CSNK1G1: variants seen among roughly 807,000 people sequenced by gnomAD.
CSNK1G1 encodes the protein casein kinase I isoform gamma-1.
In CSNK1G1, 22 loss-of-function variants were observed where a neutral mutation model predicts 59.6. That is an observed-to-expected ratio of 0.37 (90% CI 0.26 to 0.53). The LOEUF is 0.53. Among genes scored for constraint, CSNK1G1 ranks in the 20% least tolerant of loss-of-function variants. CSNK1G1 has a pLI of 0.89. For synonymous variants in CSNK1G1, 179 were observed against 177.1 expected (o/e 1.01, Z -0.08); for missense variants, 384 against 519.5 (o/e 0.74, Z 2.54).
chr15:64,351,997 T>TA (rs1043182785), intron 1 of CSNK1G1, among the ~76,000 whole-genome samples: 16 of 152,038 alleles, frequency 1.1e-4, no homozygotes, highest in East Asian at 1.9e-4. Flanking sequence ...TAAAGGATGA[T>TA]AAAAAAATGA....
chr15:64,166,550 GCA>G lies in CSNK1G1; in HGVS notation c.*5379_*5380del, dbSNP rs1391571368. 2.6e-5 allele frequency: 4 copies of G among 152,640 alleles called. No individual in the cohort carries two copies. The highest frequency in any genetic ancestry group is 5.9e-5 in the Non-Finnish European group (4 of 68,176). 9.5% of individuals were successfully genotyped at this position (152,640 alleles called of 1,614,324 possible). ...TAGATGAACACACGCACTCACGTGCGCACACACACCACACACACACACAGACA... is the reference window on the plus strand; with the variant it reads ...TAGATGAACACACGCACTCACGTGCGCACACACCACACACACACACAGACA... On this transcript the variant is annotated 3_prime_UTR_variant, in exon 12 of 12. Coordinates refer to ENST00000303052, the MANE Select transcript of CSNK1G1 (RefSeq NM_022048.5). This position sits in a 1 kb window ranked among gnomAD's most constrained non-coding sequence, Gnocchi z 4.5.
At chr15:64,238,777 C>G (rs570969517) in intron 4 of CSNK1G1, among the ~76,000 whole-genome samples, 8 of 151,822 alleles carry the variant, frequency 5.3e-5, no homozygotes, top group African/African-American at 1.5e-4. Context: ...GCCATGCCCC[C>G]CCAGGGATAG....
rs562022082 is a variant in CSNK1G1, at chr15:64,187,642, A to G, written c.1108-7188T>C. Reference sequence around the variant, plus strand: ...CAAGGCTACCAAGATGCATTTCTACATGTACAAACCTGTCTGCACCTTTAT... The same window carrying G: ...CAAGGCTACCAAGATGCATTTCTACGTGTACAAACCTGTCTGCACCTTTAT... On this transcript the variant is annotated intron_variant, in intron 10 of 11. Transcript: ENST00000303052. 2.0e-5 allele frequency among the ~76,000 whole-genome samples: 3 copies of G among 152,292 alleles called. No homozygotes were observed. In the South Asian group the frequency reaches 6.2e-4, roughly 32 times the overall value.
chr15:64,335,251 C>A (rs1423844492), intron 1 of CSNK1G1, among the ~76,000 whole-genome samples: 1 of 152,054 alleles, frequency 6.6e-6, no homozygotes, highest in Non-Finnish European at 1.5e-5. Context: ...AAAAACATAA[C>A]CTTATCTGAG....
chr15:64,175,789 T>G (rs960422525), intron 11 of CSNK1G1, among the ~76,000 whole-genome samples: 1 of 152,188 alleles, frequency 6.6e-6, no homozygotes, highest in African/African-American at 2.4e-5. Context: ...GCCAGCTGAA[T>G]CAAAAAGTCA....
intron 2 of CSNK1G1, among the ~76,000 whole-genome samples, chr15:64,292,098 T>G (rs1056665729): frequency 6.6e-6 from 1 of 151,190 alleles, no homozygotes; most frequent in Admixed American, 6.6e-5. Context: ...TAGTCCCAGC[T>G]AGTCGGGAGG....
intron 6 of CSNK1G1, among the ~76,000 whole-genome samples, chr15:64,208,896 T>C (rs943041196): frequency 1.3e-4 from 20 of 151,514 alleles, no homozygotes; most frequent in African/African-American, 3.6e-4. Context: ...TTTCTTTTTT[T>C]TTTTTTTTTG....
intron 1 of CSNK1G1, among the ~76,000 whole-genome samples, chr15:64,341,753 A>G (rs971948463): frequency 6.6e-6 from 1 of 152,176 alleles, no homozygotes; most frequent in Non-Finnish European, 1.5e-5. Flanking sequence ...AACTGTCTTA[A>G]GACTAAGATG....
intron 2 of CSNK1G1, among the ~76,000 whole-genome samples, chr15:64,286,387 A>ATATTGTTAACAATATTGTTAACATGT (rs1894424870): frequency 7.0e-6 from 1 of 143,472 alleles, no homozygotes; most frequent in Admixed American, 6.7e-5. Context: ...TGTTAACAAT[A>ATATTGTTAACAATATTGTTAACATGT]TATTGTTAAC....
rs147136679 is a variant in CSNK1G1, at chr15:64,176,266, G to T, written c.1214+4082C>A. 31 of 398,862 alleles carry T rather than the reference G, an allele frequency of 7.8e-5. No individual in the cohort carries two copies. Among genetic ancestry groups the T allele is most frequent in the Non-Finnish European group, 1.2e-4 (28 of 226,090 alleles). 24.7% of individuals were successfully genotyped at this position (398,862 alleles called of 1,614,324 possible). On this transcript the variant is annotated intron_variant, in intron 11 of 11. Transcript: ENST00000303052. The surrounding 1 kb of genome is among the most constrained non-coding windows in gnomAD (Gnocchi z 5.2). ...GGACTGGAGAGAGGGACTCACCACA[G>T]GTTGAGCATTTTCAGGCAGCTACAG...
intron 2 of CSNK1G1, among the ~76,000 whole-genome samples, chr15:64,287,380 C>T (rs895865000): frequency 1.3e-5 from 2 of 152,120 alleles, no homozygotes; most frequent in Non-Finnish European, 2.9e-5. Context: ...TTGTCTCATT[C>T]TAAACTTACA....
In CSNK1G1 at chr15:64,216,316, A is replaced by G. The variant is rs1032319545; in HGVS notation, c.444+246T>C. Among the ~76,000 whole-genome samples, 18 of 152,196 alleles carry G rather than the reference A, an allele frequency of 1.2e-4. No individual in the cohort carries two copies. The highest frequency in any genetic ancestry group is 4.3e-4 in the African/African-American group (18 of 41,442). ...TCTTTCTCCCTAATCTAAATTATAT[A>G]CTTCCTCTTCAGTTAAGGGCAGAGC... On this transcript the variant is annotated intron_variant, in intron 5 of 11. Transcript: ENST00000303052. The surrounding 1 kb of genome is among the most constrained non-coding windows in gnomAD (Gnocchi z 4.6).
At chr15:64,208,577 AGGCTT>A (rs1387563007) in intron 6 of CSNK1G1, among the ~76,000 whole-genome samples, 6 of 152,266 alleles carry the variant, frequency 3.9e-5, no homozygotes, top group Non-Finnish European at 7.4e-5. Context: ...TCTGTTTCCT[AGGCTT>A]GAGTGCAGTG....
intron 1 of CSNK1G1, among the ~76,000 whole-genome samples, chr15:64,304,077 A>T (rs763777674): frequency 6.6e-6 from 1 of 152,060 alleles, no homozygotes; most frequent in Non-Finnish European, 1.5e-5. Flanking sequence ...GGACATAAGC[A>T]TTGTTCAATC....
intron 2 of CSNK1G1, among the ~76,000 whole-genome samples, chr15:64,288,583 T>A (rs1894556740): frequency 6.6e-6 from 1 of 152,018 alleles, no homozygotes; most frequent in Non-Finnish European, 1.5e-5. Context: ...TGTGTGTGTG[T>A]TTGTGTGCAT....
intron 1 of CSNK1G1, among the ~76,000 whole-genome samples, chr15:64,340,671 A>C (rs1596298311): frequency 6.6e-6 from 1 of 152,272 alleles, no homozygotes; most frequent in South Asian, 2.1e-4. Flanking sequence ...AACCACTTTA[A>C]GGTCATGTAT....
chr15:64,298,568 A>G (rs1230560356), intron 2 of CSNK1G1, among the ~76,000 whole-genome samples: 1 of 152,200 alleles, frequency 6.6e-6, no homozygotes, highest in Non-Finnish European at 1.5e-5. Flanking sequence ...CATTATCCTA[A>G]TTAAGTCCTG....
intron 4 of CSNK1G1, among the ~76,000 whole-genome samples, chr15:64,237,835 T>C (rs2082635986): frequency 6.6e-6 from 1 of 152,190 alleles, no homozygotes; most frequent in South Asian, 2.1e-4. Flanking sequence ...TATGAGGGCA[T>C]ATAAAACCAT....
At chr15:64,351,829 A>G (rs926614022) in intron 1 of CSNK1G1, among the ~76,000 whole-genome samples, 1 of 152,178 alleles carries the variant, frequency 6.6e-6, no homozygotes, top group African/African-American at 2.4e-5. Flanking sequence ...CAGTAAGCTG[A>G]GCCTGGGCAC....
Sources: gnomAD v4.1 joint callset for allele counts (sites outside exome capture counted in the v4.1 genomes callset) on GRCh38, gnomAD v4.1.1 for gene constraint, Gnocchi (gnomAD v3.1) non-coding constraint, MANE v1.5 for transcripts, NCBI Gene and HGNC (gene_info 2026-07-23, HGNC 2026-07-21) for gene names.